COL21A1: variants seen among roughly 807,000 people sequenced by gnomAD.
COL21A1 encodes the protein collagen type XXI alpha 1 chain.
In COL21A1, 149 loss-of-function variants were observed where a neutral mutation model predicts 137.9. The observed-to-expected ratio is 1.08, with a 90% CI of 0.95 to 1.24. The LOEUF is 1.24. Among genes scored for constraint, COL21A1 ranks in the 50% most tolerant of loss-of-function variants. The probability of loss-of-function intolerance (pLI) is 0.00; values close to 1 mark genes in which losing one functional copy is unlikely to be tolerated. For missense variants in COL21A1, 1,167 were observed against 1,158.4 expected (o/e 1.01, Z -0.11); for synonymous variants, 456 against 391.5 (o/e 1.16, Z -1.95).
At chr6:56,196,341 A>G (rs1779023412) in intron 1 of COL21A1, among the ~76,000 whole-genome samples, 1 of 152,112 alleles carries the variant, frequency 6.6e-6, no homozygotes. Context: ...CTACTTCTCT[A>G]CAACATAGCA....
chr6:56,383,165 A>G (rs2094011604), intron 1 of COL21A1, among the ~76,000 whole-genome samples: 1 of 152,208 alleles, frequency 6.6e-6, no homozygotes, highest in African/African-American at 2.4e-5. Context: ...TTAGGGTGCC[A>G]GCATGGTTGG....
intron 1 of COL21A1, among the ~76,000 whole-genome samples, chr6:56,333,484 T>C (rs1232898510): frequency 6.6e-6 from 1 of 152,140 alleles, no homozygotes; most frequent in Admixed American, 6.6e-5. Context: ...ATTGCTTATT[T>C]CTTAGTAGTT....
rs573643356 is a variant in COL21A1 at position 56,305,459 on chromosome 6, G to C, written c.-39+88512C>G. 3.3e-5 allele frequency among the ~76,000 whole-genome samples: 5 copies of C among 152,244 alleles called. No homozygotes were observed. In the East Asian group the frequency reaches 9.6e-4, roughly 29 times the overall value. ...ATATTTAGGATAGTTAGCTCTTCTT[G>C]TTGAATTGATCCCTTTACCATTATG... is the stretch of plus-strand genomic sequence containing the variant. On this transcript the variant is annotated intron_variant, in intron 1 of 28. Transcript: ENST00000370819.
intron 22 of COL21A1, 57 bp downstream of exon 22, chr6:56,068,989 A>C: frequency 8.4e-7 from 1 of 1,187,302 alleles, no homozygotes; most frequent in Non-Finnish European, 1.2e-6. Flanking sequence ...CACAAAAGAA[A>C]AACTTGTTTG....
Position 56,125,629 on chromosome 6 carries a change from C to T in COL21A1, c.1597-9G>A. The stretch of plus-strand genomic sequence containing the variant: ...TTGGCACCCATTTCACCCTAAAAGA[C>T]AAAATATAAATAGTGAATATTTAAG... On this transcript the variant is annotated splice_polypyrimidine_tract_variant and intron_variant, in intron 13 of 29. Transcript: ENST00000244728. The T allele has an allele frequency of 6.5e-7, 1 of 1,542,164 alleles. No individual in the cohort carries two copies. The highest frequency in any genetic ancestry group is 1.2e-5 in the South Asian group (1 of 80,802).
intron 1 of COL21A1, among the ~76,000 whole-genome samples, chr6:56,322,881 T>TGCCAA (rs1764904255): frequency 2.0e-5 from 1 of 49,458 alleles, no homozygotes; most frequent in Admixed American, 3.3e-4. Flanking sequence ...CATCCTCTGC[T>TGCCAA]ATCAAAAAAA....
intron 16 of COL21A1, among the ~76,000 whole-genome samples, chr6:56,115,110 A>G (rs1213323432): frequency 6.7e-6 from 1 of 148,962 alleles, no homozygotes; most frequent in Non-Finnish European, 1.5e-5. Context: ...ATGAGATCAC[A>G]TGGACACAGG....
chr6:56,321,925 T>C (rs1764878924), intron 1 of COL21A1, among the ~76,000 whole-genome samples: 1 of 152,166 alleles, frequency 6.6e-6, no homozygotes, highest in Non-Finnish European at 1.5e-5. Context: ...GAAACATTTT[T>C]AAAATCGTTT....
At chr6:56,188,487 T>G (rs547241159) in intron 1 of COL21A1, among the ~76,000 whole-genome samples, 62 of 152,274 alleles carry the variant, frequency 4.1e-4, no homozygotes, top group Non-Finnish European at 6.8e-4. Context: ...GCAGCGCCAG[T>G]CAGGAACTTA....
intron 10 of COL21A1, among the ~76,000 whole-genome samples, chr6:56,153,912 T>A (rs535823755): frequency 4.8e-4 from 73 of 152,316 alleles, no homozygotes; most frequent in Non-Finnish European, 8.2e-4. Context: ...CTAAGTGATC[T>A]CATCCACTCT....
At chr6:56,240,063 T>C (rs1481488003) in intron 1 of COL21A1, among the ~76,000 whole-genome samples, 11 of 152,124 alleles carry the variant, frequency 7.2e-5, no homozygotes, top group Admixed American at 6.5e-4. Context: ...CGCTTGGCTC[T>C]CATTTTCTCT....
intron 2 of COL21A1, among the ~76,000 whole-genome samples, chr6:56,180,880 G>GC (rs1294582487): frequency 6.6e-6 from 1 of 152,118 alleles, no homozygotes; most frequent in African/African-American, 2.4e-5. Flanking sequence ...TATTGGAATT[G>GC]CCCCAACGAA....
Position 56,061,035 on chromosome 6 carries a change from T to C in COL21A1, c.2208A>G (p.Arg736=). 6.3e-7 allele frequency: 1 copy of C among 1,576,414 alleles called. No homozygotes were observed. Among genetic ancestry groups the C allele is most frequent in the Non-Finnish European group, 8.6e-7 (1 of 1,168,434 alleles). The part of the protein sequence containing the change: ...IQGHHGAKGE[R]GEKGEPGVRG... ...GGACACCAGGTTCTCCCTTTTCACC[T>C]CTCTAAAAGCAAAAGAAATCTTTAC... Residue 736 remains arginine (R), a splice_region_variant and synonymous_variant, in exon 26 of 30, where the codon AGA becomes AGG. Coordinates refer to ENST00000244728, the MANE Select transcript of COL21A1 (RefSeq NM_030820.4).
chr6:56,267,084 G>C (rs1337869865), intron 1 of COL21A1, among the ~76,000 whole-genome samples: 1 of 152,152 alleles, frequency 6.6e-6, no homozygotes, highest in African/African-American at 2.4e-5. Context: ...CTATATGGCA[G>C]ACATTCACCA....
At chr6:56,250,026 T>C (rs964545565), upstream of COL21A1, among the ~76,000 whole-genome samples, 1 of 152,266 alleles carries the variant, frequency 6.6e-6, no homozygotes, top group African/African-American at 2.4e-5. Context: ...AATTTTGTCA[T>C]GGCTCTCTAG....
chr6:56,146,758 A>C (rs1774869850), intron 10 of COL21A1, among the ~76,000 whole-genome samples: 1 of 152,104 alleles, frequency 6.6e-6, no homozygotes, highest in South Asian at 2.1e-4. Context: ...ACATATTGGA[A>C]TGGTAGACGA....
chr6:56,086,427 G>A (rs563886885), intron 17 of COL21A1, among the ~76,000 whole-genome samples: 1 of 152,066 alleles, frequency 6.6e-6, no homozygotes, highest in South Asian at 2.1e-4. Context: ...ATTAATACGT[G>A]TTTTGGATGT....
At chr6:56,301,481 A>G (rs1216190433) in intron 1 of COL21A1, among the ~76,000 whole-genome samples, 1 of 152,180 alleles carries the variant, frequency 6.6e-6, no homozygotes, top group African/African-American at 2.4e-5. Context: ...CCTACAGAAG[A>G]TGATAAATTT....
rs1305556387 is a variant in COL21A1, at chr6:56,061,045, CA to C, written c.2206-9del. The stretch of plus-strand genomic sequence containing the variant: ...TTCTCCCTTTTCACCTCTCTAAAAG[CA>C]AAAGAAATCTTTACAAGTTCTATTT... On this transcript the variant is annotated splice_polypyrimidine_tract_variant and intron_variant, in intron 25 of 29. Transcript: ENST00000244728. The C allele has an allele frequency of 6.4e-7, 1 of 1,567,638 alleles. No individual in the cohort carries two copies.
Sources: allele counts gnomAD v4.1 joint callset (sites outside exome capture counted in the v4.1 genomes callset), GRCh38; gene constraint gnomAD v4.1.1; transcripts MANE v1.5; gene names NCBI Gene and HGNC (gene_info 2026-07-23, HGNC 2026-07-21).